KCNAB1: variants seen among roughly 807,000 people sequenced by gnomAD.
KCNAB1 encodes the protein potassium voltage-gated channel subfamily A regulatory beta subunit 1.
KCNAB1 carries 35 observed loss-of-function variants against 64.6 expected under a neutral mutation model. The ratio of observed to expected loss-of-function variants is 0.54; its 90% CI spans 0.41 to 0.72. KCNAB1 has a LOEUF of 0.72. Among genes scored for constraint, KCNAB1 ranks in the 30% least tolerant of loss-of-function variants. The pLI is 0.00. For missense variants in KCNAB1, 401 were observed against 512.9 expected (o/e 0.78, Z 2.11); for synonymous variants, 177 against 183.8 (o/e 0.96, Z 0.30).
At chr3:156,238,300 T>C (rs537623242) in intron 1 of KCNAB1, among the ~76,000 whole-genome samples, 210 of 151,820 alleles carry the variant, frequency 1.4e-3, no homozygotes, top group African/African-American at 5.0e-3. Context: ...TGGGCGCCTG[T>C]AGTCCCAGCT....
At chr3:156,443,199 C>G (rs2108263769) in intron 2 of KCNAB1, among the ~76,000 whole-genome samples, 1 of 152,268 alleles carries the variant, frequency 6.6e-6, no homozygotes, top group East Asian at 1.9e-4. Flanking sequence ...CTCTCCCTCT[C>G]ACCGCCGCCC....
chr3:156,457,575 C>T (rs1268304404), intron 4 of KCNAB1, 43 bp downstream of exon 4: 6 of 1,524,832 alleles, frequency 3.9e-6, no homozygotes, highest in Non-Finnish European at 5.5e-6. Flanking sequence ...GCATCTGTAG[C>T]ACCAAAAGAA....
intron 1 of KCNAB1, among the ~76,000 whole-genome samples, chr3:156,411,046 AT>A (rs1180173013): frequency 1.3e-5 from 2 of 152,180 alleles, no homozygotes; most frequent in Non-Finnish European, 2.9e-5. Flanking sequence ...GGGCTGTACC[AT>A]TTTGCATATC....
intron 1 of KCNAB1, among the ~76,000 whole-genome samples, chr3:156,319,616 C>T (rs1388689959): frequency 3.3e-5 from 5 of 152,310 alleles, no homozygotes; most frequent in African/African-American, 9.6e-5. Flanking sequence ...CACAACTTCA[C>T]CTGCAGAGCT....
chr3:156,507,522 C>T (rs1398278619), intron 8 of KCNAB1, among the ~76,000 whole-genome samples: 1 of 152,176 alleles, frequency 6.6e-6, no homozygotes, highest in Non-Finnish European at 1.5e-5. Flanking sequence ...GAATGATAGT[C>T]CTCTATCTCC....
chr3:156,534,728 A>C (rs1430412887), intron 13 of KCNAB1, among the ~76,000 whole-genome samples: 1 of 152,110 alleles, frequency 6.6e-6, no homozygotes, highest in Non-Finnish European at 1.5e-5. Context: ...CAGCCCCAGC[A>C]ACATTAGCCA....
At chr3:156,470,005 G>A (rs893867503) in intron 7 of KCNAB1, among the ~76,000 whole-genome samples, 2 of 152,232 alleles carry the variant, frequency 1.3e-5, no homozygotes, top group Admixed American at 6.5e-5. Context: ...TAGAGGATAA[G>A]ACAGAAAGTT....
In KCNAB1 at chr3:156,422,630, G is replaced by C. The variant is rs113222916; in HGVS notation, c.319+971G>C. 1.5e-3 allele frequency among the ~76,000 whole-genome samples: 229 copies of C among 152,278 alleles called. 1 individual carries two copies. The highest frequency in any genetic ancestry group is 4.5e-3 in the African/African-American group (188 of 41,570). On this transcript the variant is annotated intron_variant, in intron 2 of 13. Coordinates refer to ENST00000490337, the MANE Select transcript of KCNAB1 (RefSeq NM_172160.3). ...TAAGTTTGAGATATCGATTAGGCCT[G>C]CAATAAAAATTGTCAAGTATGCAAA...
At chr3:156,524,053 C>A in intron 12 of KCNAB1, 106 bp downstream of exon 12, 1 of 1,089,452 alleles carries the variant, frequency 9.2e-7, no homozygotes, top group Non-Finnish European at 1.3e-6. Context: ...ATTGCAGGGA[C>A]AGATGATCTC....
rs1344597019 is a variant in KCNAB1 at position 156,457,380 on chromosome 3, T to C, written c.358-73T>C. 2.5e-6 allele frequency: 4 copies of C among 1,607,326 alleles called. No homozygotes were observed. The African/African-American group carries it at 5.4e-5, about 22-fold the overall frequency. On this transcript the variant is annotated intron_variant, in intron 3 of 13. Coordinates refer to ENST00000490337, the MANE Select transcript of KCNAB1 (RefSeq NM_172160.3). Reference sequence around the variant, plus strand: ...AGAGGTCAGTGTTCCTAAAGACCGGTAGAGGACTCAAAGTTGCTTCCAGGT... The same window carrying C: ...AGAGGTCAGTGTTCCTAAAGACCGGCAGAGGACTCAAAGTTGCTTCCAGGT...
rs567076199 is a variant in KCNAB1 at position 156,141,871 on chromosome 3, C to T, written c.275+20985C>T. ...GGAGTGGCTGAACCATTTAACATTCCTACCAGCAATTTATGAGGGATCCAG... is the reference window on the plus strand; with the variant it reads ...GGAGTGGCTGAACCATTTAACATTCTTACCAGCAATTTATGAGGGATCCAG... On this transcript the variant is annotated intron_variant, in intron 1 of 13. Transcript: ENST00000490337. Among the ~76,000 whole-genome samples, 872 of 152,264 alleles carry T rather than the reference C, an allele frequency of 5.7e-3. 6 individuals carry two copies. Among genetic ancestry groups the T allele is most frequent in the African/African-American group, 0.02 (830 of 41,554 alleles).
At chr3:156,394,550 A>C (rs1576811717) in intron 1 of KCNAB1, among the ~76,000 whole-genome samples, 1 of 152,204 alleles carries the variant, frequency 6.6e-6, no homozygotes, top group South Asian at 2.1e-4. Context: ...TCAACTCCCC[A>C]TCACAATTGA....
chr3:156,312,724 A>C (rs1352503274), intron 1 of KCNAB1, among the ~76,000 whole-genome samples: 1 of 151,054 alleles, frequency 6.6e-6, no homozygotes, highest in Non-Finnish European at 1.5e-5. Context: ...AAAAAAAAAA[A>C]AAAAAAACTC....
chr3:156,427,646 G>A (rs904013446), intron 2 of KCNAB1, among the ~76,000 whole-genome samples: 17 of 152,226 alleles, frequency 1.1e-4, no homozygotes, highest in African/African-American at 3.9e-4. Context: ...GCCCAGCCCA[G>A]TTCTTTGACT....
intron 1 of KCNAB1, among the ~76,000 whole-genome samples, chr3:156,260,968 T>A (rs1718394838): frequency 1.3e-5 from 2 of 152,184 alleles, no homozygotes; most frequent in Admixed American, 1.3e-4. Context: ...TCATTGTGGT[T>A]TTCATTTGCA....
At chr3:156,400,218 G>T (rs538595201) in intron 1 of KCNAB1, among the ~76,000 whole-genome samples, 2 of 152,290 alleles carry the variant, frequency 1.3e-5, no homozygotes, top group East Asian at 1.9e-4. Context: ...TTGCCTGAGG[G>T]TATTTCCGGG....
chr3:156,291,745 C>T (rs987136323), intron 1 of KCNAB1: 2 of 1,456,756 alleles, frequency 1.4e-6, no homozygotes, highest in South Asian at 1.5e-5. Flanking sequence ...ACTTTGTGGG[C>T]TTGGCTCGAA....
At chr3:156,486,070 A>G (rs916905226) in intron 8 of KCNAB1, among the ~76,000 whole-genome samples, 3 of 152,162 alleles carry the variant, frequency 2.0e-5, no homozygotes, top group Non-Finnish European at 2.9e-5. Context: ...CTGTGACAGT[A>G]CCTCTTTAAC....
At chr3:156,331,598 A>T (rs1185279516) in intron 1 of KCNAB1, among the ~76,000 whole-genome samples, 1 of 152,202 alleles carries the variant, frequency 6.6e-6, no homozygotes, top group Non-Finnish European at 1.5e-5. Context: ...AGTAAAATTT[A>T]GAGTATTTTC....
Sources: gnomAD v4.1 joint callset for allele counts (sites outside exome capture counted in the v4.1 genomes callset) on GRCh38, gnomAD v4.1.1 for gene constraint, MANE v1.5 for transcripts, NCBI Gene and HGNC (gene_info 2026-07-23, HGNC 2026-07-21) for gene names.